Variants in ABCC12 observed in about 807,000 individuals in gnomAD.
ABCC12 encodes the protein ATP-binding cassette sub-family C member 12.
Under a neutral mutation model 151.1 loss-of-function variants are expected in ABCC12, and 142 were observed. The observed-to-expected ratio is 0.94, with a 90% CI of 0.82 to 1.08. ABCC12 has a LOEUF of 1.08. ABCC12 is among the 50% of genes least tolerant of loss of function. ABCC12 has a pLI of 0.00. For missense variants in ABCC12, 1,638 were observed against 1,691.1 expected (o/e 0.97, Z 0.55); for synonymous variants, 645 against 646.4 (o/e 1.00, Z 0.03).
rs377198709 is a variant in ABCC12 at position 48,139,259 on chromosome 16, C to T, written c.735G>A (p.Pro245=). 2 of 1,614,086 alleles carry T rather than the reference C, an allele frequency of 1.2e-6. No homozygotes were observed. The highest frequency in any genetic ancestry group is 1.1e-5 in the South Asian group (1 of 91,076). ...ACGCCGCACAAAAGACCATTAGGAT[C>T]GGGATGGTGGCTGGCAAAGGACAAA... ...ALFCPLPATI[P]ILMVFCAAYA... Residue 245 remains proline (P), a synonymous_variant, in exon 7 of 31, where the codon CCG becomes CCA. Transcript: ENST00000311303.
Position 48,105,249 on chromosome 16 carries a change from A to C in ABCC12, c.2563T>G (p.Tyr855Asp). 3.1e-6 allele frequency: 5 copies of C among 1,614,160 alleles called. No individual in the cohort carries two copies. Among genetic ancestry groups the C allele is most frequent in the Non-Finnish European group, 4.2e-6 (5 of 1,180,036 alleles). ...DIGQHVYQWVYTASMVFMLVF... is the reference protein window; with the variant it reads ...DIGQHVYQWVDTASMVFMLVF... ...AGCATGAACACCATGCTTGCAGTGTACACCCACTGGTACACATGCTGACCG... is the reference window on the plus strand; with the variant it reads ...AGCATGAACACCATGCTTGCAGTGTCCACCCACTGGTACACATGCTGACCG... Residue 855 changes from tyrosine (Y) to aspartate (D), a missense_variant, in exon 21 of 31, where the codon TAC becomes GAC. Coordinates refer to ENST00000311303, the MANE Select transcript of ABCC12 (RefSeq NM_001393797.1).
chr16:48,097,761 G>T (rs1963153917), intron 23 of ABCC12, among the ~76,000 whole-genome samples: 1 of 152,150 alleles, frequency 6.6e-6, no homozygotes. Flanking sequence ...CACATCAGAG[G>T]AGTGCAGTGT....
chr16:48,086,790 G>A lies in ABCC12; in HGVS notation c.3665C>T (p.Thr1222Ile), dbSNP rs764730306. 9 of 1,613,972 alleles carry A rather than the reference G, an allele frequency of 5.6e-6. No homozygotes were observed. The South Asian group carries it at 8.8e-5, about 16-fold the overall frequency. ...RYNLDPFESH[T>I]DEMLWQVLER... is the part of the protein sequence containing the mutation. ...CAGAACCTGCCAGAGCATCTCATCG[G>A]TGTGACTCTCAAAGGGATCCAAGTT... The change falls in exon 28 of 31, where the codon ACC becomes ATC. Residue 1222 changes from threonine (T) to isoleucine (I), a missense_variant. By Grantham distance (89) the Thr-to-Ile change is moderately conservative. Transcript: ENST00000311303.
In ABCC12 at chr16:48,115,449, C is replaced by G; in HGVS notation, c.1955G>C (p.Gly652Ala). 1 of 1,614,076 alleles carries G rather than the reference C, an allele frequency of 6.2e-7. No individual in the cohort carries two copies. Among genetic ancestry groups the G allele is most frequent in the Non-Finnish European group, 8.5e-7 (1 of 1,179,942 alleles). Reference protein sequence around the residue: ...FEECIKKTLRGKTVVLVTHQL... With the variant: ...FEECIKKTLRAKTVVLVTHQL... ...GTGGGTCACCAGGACGACTGTCTTTCCCCTGAGCGTCTTCTTAATGCACTC... is the reference window on the plus strand; with the variant it reads ...GTGGGTCACCAGGACGACTGTCTTTGCCCTGAGCGTCTTCTTAATGCACTC... The change falls in exon 15 of 31, where the codon GGA (glycine) becomes GCA (alanine). Residue 652 changes from glycine (G) to alanine (A), a missense_variant. Coordinates refer to ENST00000311303, the MANE Select transcript of ABCC12 (RefSeq NM_001393797.1).
At chr16:48,084,400 C>T (rs191482578) in intron 29 of ABCC12, among the ~76,000 whole-genome samples, 6 of 152,294 alleles carry the variant, frequency 3.9e-5, no homozygotes, top group African/African-American at 7.2e-5. Context: ...TAAACTGAGT[C>T]GGCATGAAGC....
Position 48,144,008 on chromosome 16 carries a change from C to T in ABCC12, c.177G>A (p.Trp59Ter), listed in dbSNP as rs749014489. The change falls in exon 4 of 31, where the codon TGG becomes TGA. Residue 59 changes from tryptophan to a stop codon, truncating the protein, a stop_gained. Coordinates refer to ENST00000311303, the MANE Select transcript of ABCC12 (RefSeq NM_001393797.1). LOFTEE classifies it high-confidence loss of function. Reference sequence around the variant, plus strand: ...AGCCTTTCACCATCACCGGCGTGAGCCAGGAAAATGTGGCGAAGGAGAGTA... The same window carrying T: ...AGCCTTTCACCATCACCGGCGTGAGTCAGGAAAATGTGGCGAAGGAGAGTA... ...AGLLSFATFS[W>*]LTPVMVKGYR... is the part of the protein sequence containing the mutation. 4.3e-6 allele frequency: 7 copies of T among 1,614,090 alleles called. No homozygotes were observed. In the African/African-American group the frequency reaches 9.3e-5, roughly 22 times the overall value.
In ABCC12 at chr16:48,086,739, A is replaced by G. The variant is rs773233441; in HGVS notation, c.3714+2T>C. On this transcript the variant is annotated splice_donor_variant, in intron 28 of 30. Coordinates refer to ENST00000311303, the MANE Select transcript of ABCC12 (RefSeq NM_001393797.1). LOFTEE classifies it high-confidence loss of function. Reference sequence around the variant, plus strand: ...TCCTCCTCAACAGCCCCAGAGACCTACTGTGTCTCTCATGAATGTTCTCTC... The same window carrying G: ...TCCTCCTCAACAGCCCCAGAGACCTGCTGTGTCTCTCATGAATGTTCTCTC... 24 of 1,611,952 alleles carry G rather than the reference A, an allele frequency of 1.5e-5. No homozygotes were observed. Among genetic ancestry groups the G allele is most frequent in the Non-Finnish European group, 2.0e-5 (23 of 1,178,144 alleles).
At chr16:48,098,447 G>A (rs755351143) in intron 23 of ABCC12, among the ~76,000 whole-genome samples, 48 of 152,294 alleles carry the variant, frequency 3.2e-4, no homozygotes, top group African/African-American at 1.1e-3. Context: ...CCAGAGTTCT[G>A]CCTGGAAGCC....
chr16:48,121,498 C>T (rs1597315725), intron 13 of ABCC12: 4 of 527,032 alleles, frequency 7.6e-6, no homozygotes, highest in African/African-American at 5.8e-5. Context: ...CCGATTCTAT[C>T]CTCTTCCCAG....
At chr16:48,141,146 A>G in intron 5 of ABCC12, 60 bp downstream of exon 5, 1 of 1,592,190 alleles carries the variant, frequency 6.3e-7, no homozygotes, top group Non-Finnish European at 8.6e-7. Context: ...AAAGTAACTA[A>G]TGACATTCTT....
chr16:48,133,527 G>GA (rs1179745750), intron 9 of ABCC12, among the ~76,000 whole-genome samples, 160 bp downstream of exon 9: 3,691 of 109,486 alleles, frequency 0.034, 140 homozygotes, highest in African/African-American at 0.11. Flanking sequence ...CCCTGTCTCA[G>GA]AAAAAAAAAA....
chr16:48,139,627 C>A (rs145046754), intron 6 of ABCC12, among the ~76,000 whole-genome samples: 119 of 152,326 alleles, frequency 7.8e-4, no homozygotes, highest in African/African-American at 2.7e-3. Flanking sequence ...CCCCCACCCC[C>A]TTCTCCCTCA....
chr16:48,105,365 G>T (rs551370454), intron 20 of ABCC12, 29 bp from the exon 21 acceptor site: 1 of 1,570,376 alleles, frequency 6.4e-7, no homozygotes, highest in Non-Finnish European at 8.6e-7. Context: ...GAAGCACCAA[G>T]AATTGATAAA....
At position 48,128,504 on chromosome 16, in the gene ABCC12, G is replaced by C. The variant is rs1964313507; in HGVS notation, c.1470C>G (p.Asp490Glu). ...KGATGPEEQS[D>E]SLKSVLHSIS... ...TGCTGTGCAGAACCGATTTGAGGCT[G>C]TCACTTTGCTCCTCTGGGCCAGTGG... Residue 490 changes from aspartate (D) to glutamate (E), a missense_variant, in exon 11 of 31, where the codon GAC (aspartate) becomes GAG (glutamate). Asp to Glu is a conservative substitution (Grantham distance 45, BLOSUM62 2). Coordinates refer to ENST00000311303, the MANE Select transcript of ABCC12 (RefSeq NM_001393797.1). 1.9e-6 allele frequency: 3 copies of C among 1,614,128 alleles called. No homozygotes were observed. In the South Asian group the frequency reaches 3.3e-5, roughly 18 times the overall value.
intron 12 of ABCC12, among the ~76,000 whole-genome samples, chr16:48,123,842 C>T (rs532705317): frequency 1.8e-4 from 28 of 152,238 alleles, no homozygotes; most frequent in Non-Finnish European, 5.9e-5. Context: ...CCATGAGCTC[C>T]AGACTCCAAA....
At chr16:48,128,431 A>C (rs1964310331) in intron 11 of ABCC12, 28 bp downstream of exon 11, 1 of 1,608,106 alleles carries the variant, frequency 6.2e-7, no homozygotes, top group South Asian at 1.1e-5. Flanking sequence ...GGAGGGCTGG[A>C]GGCCACACCT....
chr16:48,091,897 C>T (rs73540853), intron 24 of ABCC12, among the ~76,000 whole-genome samples: 11,724 of 152,258 alleles, frequency 0.077, 1,547 homozygotes, highest in African/African-American at 0.27. Context: ...CAGGTGTTAG[C>T]AAGGATCTTG....
chr16:48,133,310 T>C (rs1273258582), intron 9 of ABCC12, among the ~76,000 whole-genome samples: 1 of 151,968 alleles, frequency 6.6e-6, no homozygotes, highest in East Asian at 1.9e-4. Flanking sequence ...CTACCTGAGG[T>C]CGGGAGTTCA....
chr16:48,147,563 G>C (rs980846191), intron 2 of ABCC12, among the ~76,000 whole-genome samples: 1 of 152,152 alleles, frequency 6.6e-6, no homozygotes, highest in African/African-American at 2.4e-5. Flanking sequence ...AGTGTCCTCA[G>C]ATGCAATCTT....
Sources: allele counts gnomAD v4.1 joint callset (sites outside exome capture counted in the v4.1 genomes callset), GRCh38; gene constraint gnomAD v4.1.1; transcripts MANE v1.5; gene names NCBI Gene and HGNC (gene_info 2026-07-23, HGNC 2026-07-21).